Variants in GABRB1 observed in about 807,000 individuals in gnomAD.
GABRB1 encodes the protein gamma-aminobutyric acid receptor subunit beta-1.
A neutral mutation model predicts 51.6 loss-of-function variants in GABRB1; 17 were observed. The ratio of observed to expected loss-of-function variants is 0.33; its 90% confidence interval spans 0.23 to 0.49. The LOEUF is 0.49. Ranked by LOEUF, GABRB1 falls within the 20% of genes least tolerant of loss-of-function variation. GABRB1 has a pLI of 0.99. For synonymous variants in GABRB1, 247 were observed against 218.9 expected (o/e 1.13, Z -1.14); for missense variants, 410 against 600.6 (o/e 0.68, Z 3.32).
At chr4:47,063,710 T>C (rs991412956) in intron 3 of GABRB1, among the ~76,000 whole-genome samples, 3 of 152,090 alleles carry the variant, frequency 2.0e-5, no homozygotes, top group Admixed American at 1.3e-4. Context: ...TATGCAGCCA[T>C]AAAAAGGAAC....
chr4:47,333,190 TTATTTATATATATATATATA>T (rs1480316439), intron 5 of GABRB1, among the ~76,000 whole-genome samples: 905 of 83,446 alleles, frequency 0.011, 20 homozygotes, highest in African/African-American at 0.022. Flanking sequence ...AAAACCCATT[TTATTTATATATATATATATA>T]TATATATATA....
intron 3 of GABRB1, among the ~76,000 whole-genome samples, chr4:47,119,760 C>T (rs1480198758): frequency 1.3e-5 from 2 of 152,022 alleles, no homozygotes; most frequent in African/African-American, 4.8e-5. Context: ...CTGCCCACCT[C>T]GGCCTCCCAA....
At chr4:47,012,566 T>C (rs182109752) in intron 1 of GABRB1, among the ~76,000 whole-genome samples, 1 of 152,324 alleles carries the variant, frequency 6.6e-6, no homozygotes, top group Non-Finnish European at 1.5e-5. Context: ...GTTTAAACAT[T>C]GTCATGGTAA....
intron 4 of GABRB1, among the ~76,000 whole-genome samples, chr4:47,250,572 TC>T (rs1270304206): frequency 2.0e-5 from 3 of 152,196 alleles, no homozygotes; most frequent in Admixed American, 6.5e-5. Flanking sequence ...ATTCTCTTCT[TC>T]CTCTGGAACA....
At chr4:47,028,004 A>AT (rs574153236), upstream of GABRB1, among the ~76,000 whole-genome samples, 358 of 151,836 alleles carry the variant, frequency 2.4e-3, no homozygotes, top group African/African-American at 6.9e-3. Flanking sequence ...ATGAAATTGT[A>AT]TTTTTCCACA....
At chr4:47,217,649 T>A (rs2109819048) in intron 4 of GABRB1, among the ~76,000 whole-genome samples, 1 of 151,854 alleles carries the variant, frequency 6.6e-6, no homozygotes, top group Non-Finnish European at 1.5e-5. Context: ...CCTCCCCAGC[T>A]TATTTATTTC....
intron 5 of GABRB1, among the ~76,000 whole-genome samples, chr4:47,354,858 G>A (rs6822528): frequency 0.11 from 14,216 of 131,084 alleles, 881 homozygotes; most frequent in African/African-American, 0.18. Flanking sequence ...TCTGTGGCAG[G>A]CTTTTTTTTT....
chr4:47,309,206 A>G (rs912730724), intron 4 of GABRB1, among the ~76,000 whole-genome samples: 2 of 152,108 alleles, frequency 1.3e-5, no homozygotes, highest in Non-Finnish European at 2.9e-5. Context: ...CTGACACTGG[A>G]ACTTTGACAT....
At position 47,383,504 on chromosome 4, in the gene GABRB1, G is replaced by A. The variant is rs189951983; in HGVS notation, c.545-19814G>A. Among the ~76,000 whole-genome samples the A allele has an allele frequency of 1.1e-3, 165 of 152,128 alleles. 3 individuals carry two copies. Among genetic ancestry groups the A allele is most frequent in the Admixed American group, 9.6e-3 (146 of 15,282 alleles). ...TAGATTATACCTAAAAAAAAAATCA[G>A]GGACTAGGCAAATAAGTTAATAAAA... On this transcript the variant is annotated intron_variant, in intron 5 of 8. Transcript: ENST00000295454.
intron 4 of GABRB1, among the ~76,000 whole-genome samples, chr4:47,251,630 C>G (rs898918745): frequency 3.3e-5 from 5 of 152,002 alleles, no homozygotes; most frequent in Admixed American, 3.3e-4. Flanking sequence ...GTGGCTGCTG[C>G]GGAGGATGTG....
intron 4 of GABRB1, among the ~76,000 whole-genome samples, chr4:47,193,204 C>A (rs1560579172): frequency 1.3e-5 from 2 of 152,138 alleles, no homozygotes; most frequent in Admixed American, 1.3e-4. Context: ...AGGCTGTGAA[C>A]CTCTGCCTCC....
intron 3 of GABRB1, among the ~76,000 whole-genome samples, chr4:47,121,484 T>C (rs1448944787): frequency 6.6e-6 from 1 of 152,122 alleles, no homozygotes; most frequent in Non-Finnish European, 1.5e-5. Context: ...GTGTCAATAG[T>C]TGTTAAATTT....
chr4:47,394,944 G>C (rs1297910224), intron 5 of GABRB1, among the ~76,000 whole-genome samples: 1 of 152,198 alleles, frequency 6.6e-6, no homozygotes. Flanking sequence ...CTCCCTGGAA[G>C]TGAGCAGACT....
At position 47,423,750 on chromosome 4, in the gene GABRB1, T is replaced by C. The variant is rs186270095; in HGVS notation, c.1081-1924T>C. On this transcript the variant is annotated intron_variant, in intron 8 of 8. Coordinates refer to ENST00000295454, the MANE Select transcript of GABRB1 (RefSeq NM_000812.4). ...AGAATATTCTGTTTTAATCCCAAAT[T>C]TGGTACTTGTTGTTTAATCTTATTG... Among the ~76,000 whole-genome samples, 28 of 152,288 alleles carry C rather than the reference T, an allele frequency of 1.8e-4. No homozygotes were observed. In the East Asian group the frequency reaches 5.0e-3, roughly 27 times the overall value.
rs554872288 is a variant in GABRB1, at chr4:47,369,890, A to G, written c.545-33428A>G. On this transcript the variant is annotated intron_variant, in intron 5 of 8. Transcript: ENST00000295454. ...TCAAGAATAGTTACTGACAATGAAC[A>G]TGCAAAAAAGGGTAGCTATTTTATT... Among the ~76,000 whole-genome samples the G allele has an allele frequency of 2.0e-5, 3 of 152,330 alleles. No individual in the cohort carries two copies. In the South Asian group the frequency reaches 6.2e-4, roughly 32 times the overall value.
At chr4:47,080,702 G>A (rs1460065121) in intron 3 of GABRB1, among the ~76,000 whole-genome samples, 1 of 152,152 alleles carries the variant, frequency 6.6e-6, no homozygotes, top group Non-Finnish European at 1.5e-5. Context: ...CTACAGCCAT[G>A]CCCAGTGTGC....
chr4:47,016,430 G>C (rs1724745274), intron 1 of GABRB1, among the ~76,000 whole-genome samples: 1 of 151,930 alleles, frequency 6.6e-6, no homozygotes, highest in South Asian at 2.1e-4. Context: ...TATTTGACTT[G>C]ATCACTAAAG....
intron 5 of GABRB1, among the ~76,000 whole-genome samples, chr4:47,326,269 A>T (rs1331562324): frequency 1.3e-5 from 2 of 152,210 alleles, no homozygotes. Context: ...TCTTCAGAAG[A>T]TCAATAGTAA....
intron 3 of GABRB1, among the ~76,000 whole-genome samples, chr4:47,049,142 A>G (rs1013994641): frequency 1.3e-5 from 2 of 151,940 alleles, no homozygotes; most frequent in Non-Finnish European, 2.9e-5. Context: ...CTCCTTTGGC[A>G]TCCATGTCAT....
Sources: gnomAD v4.1 joint callset for allele counts (sites outside exome capture counted in the v4.1 genomes callset) on GRCh38, gnomAD v4.1.1 for gene constraint, MANE v1.5 for transcripts, NCBI Gene and HGNC (gene_info 2026-07-23, HGNC 2026-07-21) for gene names.